The following POP4 variants were observed in gnomAD, a reference collection of about 807,000 sequenced individuals.
POP4 encodes the protein ribonuclease P protein subunit p29.
Under a neutral mutation model 29.9 loss-of-function variants are expected in POP4, and 31 were observed. The ratio of observed to expected loss-of-function variants is 1.04; its 90% CI spans 0.78 to 1.40. POP4 has a LOEUF of 1.40. Among genes scored for constraint, POP4 ranks in the 40% most tolerant of loss-of-function variants. The pLI is 0.00. For synonymous variants in POP4, 110 were observed against 108.2 expected, an observed-to-expected ratio of 1.02 and a Z score of -0.10; for missense variants, 286 against 282.7, an observed-to-expected ratio of 1.01 and a Z score of -0.08.
At chr19:29,614,290 C>G (rs1038331241) in intron 6 of POP4, among the ~76,000 whole-genome samples, 30 of 152,202 alleles carry the variant, frequency 2.0e-4, no homozygotes, top group African/African-American at 7.2e-4. Flanking sequence ...GGCTGCTGCT[C>G]CCAGAGGAAT....
At chr19:29,614,456 A>G (rs1354814847) in intron 6 of POP4, among the ~76,000 whole-genome samples, 1 of 151,752 alleles carries the variant, frequency 6.6e-6, no homozygotes, top group Non-Finnish European at 1.5e-5. Context: ...CGCCTTACCC[A>G]CAAATCCAGA....
intron 2 of POP4, 86 bp from the exon 3 acceptor site, chr19:29,610,323 C>A: frequency 7.8e-7 from 1 of 1,286,582 alleles, no homozygotes; most frequent in Non-Finnish European, 1.0e-6. Flanking sequence ...CTTGCAGTAG[C>A]TGCCGGGAAT....
intron 4 of POP4, 65 bp downstream of exon 4, chr19:29,612,004 CG>C: frequency 6.3e-7 from 1 of 1,584,726 alleles, no homozygotes; most frequent in Non-Finnish European, 8.6e-7. Flanking sequence ...ATTGTAAATG[CG>C]GCTTCAGGAA....
rs1971118532 is a variant in POP4 at position 29,615,388 on chromosome 19, G to A, written c.*8G>A. 1 of 1,610,390 alleles carries A rather than the reference G, an allele frequency of 6.2e-7. No individual in the cohort carries two copies. The highest frequency in any genetic ancestry group is 1.7e-5 in the Admixed American group (1 of 59,094). ...GGAACGATTGACCTGTGAATTCTTT[G>A]CCGTCTAAGGCAGTTGTTTATGACA... On this transcript the variant is annotated 3_prime_UTR_variant, in exon 7 of 7. Transcript: ENST00000585603.
At chr19:29,607,307 G>C (rs1015251629) in intron 1 of POP4, among the ~76,000 whole-genome samples, 1 of 151,262 alleles carries the variant, frequency 6.6e-6, no homozygotes. Context: ...AATTAGCCAG[G>C]TGTGGTGGCA....
In POP4 at chr19:29,610,506, G is replaced by A. The variant is rs1259772679; in HGVS notation, c.158G>A (p.Arg53His). The A allele has an allele frequency of 1.7e-5, 27 of 1,612,444 alleles. 1 individual carries two copies. Among genetic ancestry groups the A allele is most frequent in the South Asian group, 1.4e-4 (13 of 90,782 alleles). Reference protein sequence around the residue: ...SPQAREDQLQRKAVVLEYFTR... With the variant: ...SPQAREDQLQHKAVVLEYFTR... ...CAGGCCCGCGAGGACCAGCTGCAGCGCAAGGCGGTGGTCCTGGAGTACTTC... is the reference window on the plus strand; with the variant it reads ...CAGGCCCGCGAGGACCAGCTGCAGCACAAGGCGGTGGTCCTGGAGTACTTC... Residue 53 changes from arginine to histidine, a missense_variant, in exon 3 of 7, where the codon CGC becomes CAC. By Grantham distance (29) the Arg-to-His change is conservative. Transcript: ENST00000585603.
intron 2 of POP4, among the ~76,000 whole-genome samples, chr19:29,609,399 G>A (rs550052019): frequency 3.3e-5 from 5 of 152,234 alleles, no homozygotes; most frequent in Non-Finnish European, 5.9e-5. Flanking sequence ...ACAGAAGGAA[G>A]GCTGCGTTAC....
intron 3 of POP4, 75 bp from the exon 4 acceptor site, chr19:29,611,787 G>T: frequency 7.9e-7 from 1 of 1,265,138 alleles, no homozygotes. Flanking sequence ...ATCAAGTCAA[G>T]CTCTGTGCTA....
intron 5 of POP4, among the ~76,000 whole-genome samples, chr19:29,612,984 AAGGCCTCCCCGCTCCCTGGGGCAGC>A (rs1971087860): frequency 6.6e-6 from 1 of 152,116 alleles, no homozygotes. Context: ...GCTGTGGTCT[AAGGCCTCCCCGCTCCCTGGGGCAGC>A]AGGCCTCCCA....
At chr19:29,610,317 C>T (rs1025927269) in intron 2 of POP4, 92 bp from the exon 3 acceptor site, 21 of 1,220,748 alleles carry the variant, frequency 1.7e-5, no homozygotes, top group Non-Finnish European at 2.2e-5. Flanking sequence ...TTTGCTCTTG[C>T]AGTAGCTGCC....
At chr19:29,610,720 G>A (rs1315318496) in intron 3 of POP4, 88 bp downstream of exon 3, 3 of 1,334,284 alleles carry the variant, frequency 2.2e-6, no homozygotes, top group Middle Eastern at 2.5e-4. Context: ...AGGCAGCCTG[G>A]CTCCACCTAA....
rs1971057719 is a variant in POP4, at chr19:29,610,686, G to A, written c.284+54G>A. 24 of 1,564,602 alleles carry A rather than the reference G, an allele frequency of 1.5e-5. 1 individual carries two copies. The South Asian group carries it at 2.8e-4, about 18-fold the overall frequency. On this transcript the variant is annotated intron_variant, in intron 3 of 6. Transcript: ENST00000585603. ...CCGCGGTGCTTACCCTTCTTGGTGT[G>A]TGAACTTGGCTGAGTGGCTGGGGAG...
chr19:29,608,817 C>G, intron 2 of POP4, 108 bp downstream of exon 2: 1 of 1,059,392 alleles, frequency 9.4e-7, no homozygotes, highest in South Asian at 1.3e-5. Context: ...ACATCATACT[C>G]CTCATTTTTC....
At chr19:29,612,245 C>G in intron 5 of POP4, 67 bp downstream of exon 5, 1 of 1,455,384 alleles carries the variant, frequency 6.9e-7, no homozygotes. Flanking sequence ...TGTGGAGACC[C>G]AGGGCGTGTG....
Position 29,611,959 on chromosome 19 carries a change from C to A in POP4, c.362+20C>A. 1.9e-6 allele frequency: 3 copies of A among 1,609,790 alleles called. No homozygotes were observed. Among genetic ancestry groups the A allele is most frequent in the Non-Finnish European group, 2.6e-6 (3 of 1,176,042 alleles). Reference sequence around the variant, plus strand: ...AGACACGTAAGTTGCATTCCTGAAGCTTTGCTCTTTGGGGTGGATCTCAAG... The same window carrying A: ...AGACACGTAAGTTGCATTCCTGAAGATTTGCTCTTTGGGGTGGATCTCAAG... On this transcript the variant is annotated intron_variant, in intron 4 of 6. Coordinates refer to ENST00000585603, the MANE Select transcript of POP4 (RefSeq NM_006627.3).
Position 29,608,668 on chromosome 19 carries a change from C to CATGCATTG in POP4, c.20_27dup (p.Ser10MetfsTer25). On this transcript the variant is annotated frameshift_variant, in exon 2 of 7. Coordinates refer to ENST00000585603, the MANE Select transcript of POP4 (RefSeq NM_006627.3). LOFTEE classifies it high-confidence loss of function. ...TTTTAATCCCCCAGGTGTGATCTACCATGCATTGTCTCAGAAAGAGGCGAA... is the reference window on the plus strand; with the variant it reads ...TTTTAATCCCCCAGGTGTGATCTACCATGCATTGATGCATTGTCTCAGAAAGAGGCGAA... 1 of 1,613,798 alleles carries CATGCATTG rather than the reference C, an allele frequency of 6.2e-7. No individual in the cohort carries two copies. Among genetic ancestry groups the CATGCATTG allele is most frequent in the Non-Finnish European group, 8.5e-7 (1 of 1,179,800 alleles).
Position 29,616,473 on chromosome 19 carries a change from T to G in POP4, c.*1093T>G, listed in dbSNP as rs1971132881. On this transcript the variant is annotated 3_prime_UTR_variant, in exon 7 of 7. Coordinates refer to ENST00000585603, the MANE Select transcript of POP4 (RefSeq NM_006627.3). The stretch of plus-strand genomic sequence containing the variant: ...CCTGGCGAAAGGCAGGCCACAAATC[T>G]GTTCTCCCCCAGGAGAAGTAGCAGT... 1 of 152,222 alleles carries G rather than the reference T, an allele frequency of 6.6e-6. No homozygotes were observed. The highest frequency in any genetic ancestry group is 2.4e-5 in the African/African-American group (1 of 41,422). The allele number at this position is 152,222 out of a possible 1,614,324, so 9.4% of individuals were successfully genotyped here.
intron 1 of POP4, among the ~76,000 whole-genome samples, chr19:29,607,467 C>A (rs1490464823): frequency 1.3e-5 from 2 of 149,872 alleles, no homozygotes; most frequent in Non-Finnish European, 1.5e-5. Flanking sequence ...AAACAAACAA[C>A]AAAAAAAAAA....
At chr19:29,610,255 G>T (rs1211038817) in intron 2 of POP4, 154 bp from the exon 3 acceptor site, 1 of 647,504 alleles carries the variant, frequency 1.5e-6, no homozygotes, top group Non-Finnish European at 2.6e-6. Context: ...GGTAGCAGAT[G>T]CATGGCGGAT....
Sources: allele counts gnomAD v4.1 joint callset (sites outside exome capture counted in the v4.1 genomes callset), GRCh38; gene constraint gnomAD v4.1.1; transcripts MANE v1.5; gene names NCBI Gene and HGNC (gene_info 2026-07-23, HGNC 2026-07-21).